Variants in ITPR2 observed in about 807,000 individuals in gnomAD.
The protein encoded by ITPR2 is inositol 1,4,5-trisphosphate receptor type 2.
Under a neutral mutation model 317.1 loss-of-function variants are expected in ITPR2, and 207 were observed. That is an observed-to-expected ratio of 0.65 (90% CI 0.58 to 0.73). The LOEUF (loss-of-function observed/expected upper bound fraction) is 0.73, where lower values mean the gene tolerates loss of function less well. Ranked by LOEUF, ITPR2 falls within the 30% of genes least tolerant of loss-of-function variation. ITPR2 has a pLI of 0.00. For missense variants in ITPR2, 2,613 were observed against 3,284.0 expected, an observed-to-expected ratio of 0.80 and a Z score of 4.99; for synonymous variants, 1,156 against 1,149.1, an observed-to-expected ratio of 1.01 and a Z score of -0.12.
intron 47 of ITPR2, among the ~76,000 whole-genome samples, chr12:26,436,564 G>A (rs1941354330): frequency 6.6e-6 from 1 of 152,114 alleles, no homozygotes; most frequent in African/African-American, 2.4e-5. Flanking sequence ...AGCCAGTTTA[G>A]GCCTAAACTA....
At chr12:26,426,829 AAAT>A (rs1941074304) in intron 49 of ITPR2, among the ~76,000 whole-genome samples, 1 of 150,996 alleles carries the variant, frequency 6.6e-6, no homozygotes. Flanking sequence ...TAAATAAATA[AAAT>A]AAATACATTT....
intron 37 of ITPR2, among the ~76,000 whole-genome samples, chr12:26,524,751 T>C (rs1943764539): frequency 6.6e-6 from 1 of 152,196 alleles, no homozygotes; most frequent in Non-Finnish European, 1.5e-5. Context: ...CATGACTTGT[T>C]TATATCTCCA....
chr12:26,428,642 A>G (rs1941128687), intron 48 of ITPR2, among the ~76,000 whole-genome samples: 1 of 152,180 alleles, frequency 6.6e-6, no homozygotes, highest in Non-Finnish European at 1.5e-5. Flanking sequence ...TTGAAGGCCA[A>G]CTCTACTGCT....
At chr12:26,751,079 A>C (rs1246044771) in intron 2 of ITPR2, among the ~76,000 whole-genome samples, 1 of 152,142 alleles carries the variant, frequency 6.6e-6, no homozygotes, top group East Asian at 1.9e-4. Flanking sequence ...GTACCCAAAC[A>C]ATCTACTAGG....
In ITPR2 at chr12:26,621,150, T is replaced by C; in HGVS notation, c.3435A>G (p.Gln1145=). ...NYENGEIGES[Q]VKGGEEPIEE... ...CAATTGGCTCTTCACCACCTTTCAC[T>C]TGACTTTCCCCTATTTCTCCATTCT... Residue 1145 remains glutamine, a synonymous_variant, in exon 26 of 57, where the codon CAA becomes CAG. Transcript: ENST00000381340. 1.2e-6 allele frequency: 2 copies of C among 1,613,696 alleles called. No individual in the cohort carries two copies. Among genetic ancestry groups the C allele is most frequent in the African/African-American group, 1.3e-5 (1 of 75,042 alleles).
chr12:26,483,646 T>C, intron 42 of ITPR2, 52 bp downstream of exon 42: 5 of 1,335,096 alleles, frequency 3.7e-6, no homozygotes, highest in Non-Finnish European at 4.3e-6. Context: ...AAAGATTGGC[T>C]CCTTCCCCAA....
intron 5 of ITPR2, among the ~76,000 whole-genome samples, chr12:26,718,079 A>G (rs1205008832): frequency 6.6e-6 from 1 of 152,166 alleles, no homozygotes; most frequent in African/African-American, 2.4e-5. Flanking sequence ...TCTAAAAAAC[A>G]AAAACAAAAA....
Position 26,580,174 on chromosome 12 carries a change from A to C in ITPR2, c.4381-19T>G. 6.2e-7 allele frequency: 1 copy of C among 1,605,208 alleles called. No individual in the cohort carries two copies. The highest frequency in any genetic ancestry group is 8.5e-7 in the Non-Finnish European group (1 of 1,176,146). Reference sequence around the variant, plus strand: ...TGCAAACCTGGAGAGAAAATAAAACAACTCAATATGTTTTATCACATTTTT... The same window carrying C: ...TGCAAACCTGGAGAGAAAATAAAACCACTCAATATGTTTTATCACATTTTT... On this transcript the variant is annotated intron_variant, in intron 32 of 56. Coordinates refer to ENST00000381340, the MANE Select transcript of ITPR2 (RefSeq NM_002223.4).
chr12:26,365,881 A>ATTAT (rs763005879), intron 55 of ITPR2, among the ~76,000 whole-genome samples: 2 of 152,236 alleles, frequency 1.3e-5, no homozygotes, highest in Non-Finnish European at 2.9e-5. Flanking sequence ...CTTTTTGAAT[A>ATTAT]TTATTTATTT....
intron 15 of ITPR2, among the ~76,000 whole-genome samples, chr12:26,661,276 G>A (rs1179149709): frequency 6.0e-5 from 2 of 33,444 alleles, no homozygotes; most frequent in African/African-American, 3.8e-4. Flanking sequence ...GTGTGTGTGT[G>A]GGGGGGGGGG....
At chr12:26,820,276 G>C (rs1950919576) in intron 1 of ITPR2, among the ~76,000 whole-genome samples, 1 of 152,100 alleles carries the variant, frequency 6.6e-6, no homozygotes, top group East Asian at 1.9e-4. Flanking sequence ...AGAAATATGA[G>C]ACATTATATT....
chr12:26,629,724 CTCTCTT>C (rs1162957701), intron 22 of ITPR2, among the ~76,000 whole-genome samples: 3 of 152,238 alleles, frequency 2.0e-5, no homozygotes, highest in Admixed American at 6.5e-5. Context: ...GTCTCAGTCT[CTCTCTT>C]TCTCTTTCTC....
chr12:26,716,932 A>G (rs1044655443), intron 5 of ITPR2, among the ~76,000 whole-genome samples: 1 of 152,136 alleles, frequency 6.6e-6, no homozygotes, highest in African/African-American at 2.4e-5. Context: ...ACTCTAATTG[A>G]TTTTTTAATG....
At chr12:26,773,742 A>G (rs563388709) in intron 2 of ITPR2, among the ~76,000 whole-genome samples, 10 of 152,350 alleles carry the variant, frequency 6.6e-5, no homozygotes, top group African/African-American at 2.4e-4. Flanking sequence ...ATTTTAAAGT[A>G]TAAGCACTTT....
At chr12:26,456,732 G>A (rs1364114988) in intron 45 of ITPR2, among the ~76,000 whole-genome samples, 1 of 152,118 alleles carries the variant, frequency 6.6e-6, no homozygotes, top group Non-Finnish European at 1.5e-5. Flanking sequence ...GAGTGCAATG[G>A]CATGATCTCC....
At chr12:26,713,308 G>C (rs1400091338) in intron 8 of ITPR2, among the ~76,000 whole-genome samples, 1 of 152,182 alleles carries the variant, frequency 6.6e-6, no homozygotes, top group Non-Finnish European at 1.5e-5. Flanking sequence ...TGCTGGGTAA[G>C]CACAGTCCTC....
intron 54 of ITPR2, among the ~76,000 whole-genome samples, chr12:26,393,961 T>C (rs1360299710): frequency 1.3e-5 from 2 of 152,212 alleles, no homozygotes; most frequent in African/African-American, 4.8e-5. Flanking sequence ...TAGTCATTCA[T>C]TAAGCAAATA....
rs527373735 is a variant in ITPR2 at position 26,651,730 on chromosome 12, T to G, written c.2740+2246A>C. On this transcript the variant is annotated intron_variant, in intron 21 of 56. Coordinates refer to ENST00000381340, the MANE Select transcript of ITPR2 (RefSeq NM_002223.4). ...ACATTTACACATTCAGCAGACAGGA[T>G]CCACAAGGAGCGGGTTTATAGGATC... 1.3e-4 allele frequency among the ~76,000 whole-genome samples: 20 copies of G among 152,350 alleles called. No individual in the cohort carries two copies. The South Asian group carries it at 4.1e-3, about 32-fold the overall frequency.
intron 5 of ITPR2, among the ~76,000 whole-genome samples, chr12:26,718,660 A>G (rs1479403322): frequency 2.6e-5 from 4 of 151,772 alleles, no homozygotes; most frequent in African/African-American, 9.7e-5. Flanking sequence ...CCCAGGCTGG[A>G]GTACAGTGGC....
Sources: gnomAD v4.1 joint callset for allele counts (sites outside exome capture counted in the v4.1 genomes callset) on GRCh38, gnomAD v4.1.1 for gene constraint, MANE v1.5 for transcripts, NCBI Gene and HGNC (gene_info 2026-07-23, HGNC 2026-07-21) for gene names.